The following PDE12 variants were observed in gnomAD, a reference collection of about 807,000 sequenced individuals.
PDE12 encodes the protein phosphodiesterase 12, also known as 2',5'-phosphodiesterase 12.
PDE12 carries 26 observed loss-of-function variants against 45.4 expected under a neutral mutation model. The observed-to-expected ratio is 0.57, with a 90% CI of 0.42 to 0.79. PDE12 has a LOEUF of 0.79. PDE12 is among the 30% of genes least tolerant of loss of function. The probability of loss-of-function intolerance (pLI) is 0.00; values close to 1 mark genes in which losing one functional copy is unlikely to be tolerated. For synonymous variants in PDE12, 283 were observed against 323.9 expected (o/e 0.87, Z 1.36); for missense variants, 668 against 790.0 (o/e 0.85, Z 1.85).
the PDE12 span, among the ~76,000 whole-genome samples, chr3:57,613,900 C>CAAAAAAAAAAAAAAAAAAAAAA: frequency 3.4e-5 from 2 of 59,456 alleles, no homozygotes; most frequent in Non-Finnish European, 2.9e-5. Context: ...GACTCCATCT[C>CAAAAAAAAAAAAAAAAAAAAAA]AAAAAAAAAA....
the PDE12 span, chr3:57,575,497 C>A: frequency 6.5e-7 from 1 of 1,529,528 alleles, no homozygotes; most frequent in Non-Finnish European, 8.8e-7. Context: ...ACACAACTAT[C>A]CTAGTAAGTC....
chr3:57,633,522 GAAA>G, the PDE12 span, among the ~76,000 whole-genome samples: 1 of 152,188 alleles, frequency 6.6e-6, no homozygotes, highest in South Asian at 2.1e-4. Context: ...AATATCCTGT[GAAA>G]ATAATCTTTA....
the PDE12 span, among the ~76,000 whole-genome samples, chr3:57,578,890 A>AG: frequency 0.065 from 9,785 of 150,028 alleles, 344 homozygotes; most frequent in South Asian, 0.087. Context: ...CAGCTAGAAA[A>AG]GGGGGGGGGC....
At chr3:57,604,617 T>TTGGGG in the PDE12 span, among the ~76,000 whole-genome samples, 2 of 8,338 alleles carry the variant, frequency 2.4e-4, no homozygotes, top group African/African-American at 4.2e-4. Flanking sequence ...TTTTTTTTTT[T>TTGGGG]GGGGGGGGTG....
chr3:57,569,937 C>G (rs1304343588), downstream of PDE12, among the ~76,000 whole-genome samples: 1 of 148,928 alleles, frequency 6.7e-6, no homozygotes, highest in Admixed American at 6.7e-5. Flanking sequence ...TCCATGTAAA[C>G]ACCTTTGCAT....
the PDE12 span, among the ~76,000 whole-genome samples, chr3:57,575,305 C>CA: frequency 6.7e-3 from 909 of 134,988 alleles, 11 homozygotes; most frequent in African/African-American, 0.023. Context: ...CCTCTCCCTT[C>CA]AAAAAAAAAA....
At chr3:57,637,932 G>A in the PDE12 span, among the ~76,000 whole-genome samples, 1 of 151,952 alleles carries the variant, frequency 6.6e-6, no homozygotes, top group East Asian at 1.9e-4. Context: ...TCAGGAATTC[G>A]AGACCAGCCT....
chr3:57,563,614 T>C lies in PDE12; in HGVS notation c.*3610T>C, dbSNP rs912693694. ...GCAACACTATCTAGAGGGCCAGGCA[T>C]AGTGGCTCTTGACTGTAATCACAAC... On this transcript the variant is annotated 3_prime_UTR_variant, in exon 3 of 3. Coordinates refer to ENST00000311180, the MANE Select transcript of PDE12 (RefSeq NM_177966.7). The C allele has an allele frequency of 6.6e-6, 1 of 152,226 alleles. No individual in the cohort carries two copies. The highest frequency in any genetic ancestry group is 2.1e-4 in the South Asian group (1 of 4,836). The allele number at this position is 152,226 out of a possible 1,614,324, so 9.4% of individuals were successfully genotyped here. A position where few individuals can be genotyped will look rare whatever the true frequency, so the allele number is the denominator to read the frequency against.
the PDE12 span, among the ~76,000 whole-genome samples, chr3:57,612,769 C>CAAA: frequency 1.6e-4 from 16 of 97,558 alleles, no homozygotes; most frequent in East Asian, 5.2e-4. Flanking sequence ...GAGTCCACCT[C>CAAA]AAAAAAAAAA....
chr3:57,642,641 C>A, the PDE12 span, among the ~76,000 whole-genome samples: 1 of 152,068 alleles, frequency 6.6e-6, no homozygotes, highest in Non-Finnish European at 1.5e-5. Context: ...TAGATGTTAT[C>A]TTACAGGCAA....
the PDE12 span, among the ~76,000 whole-genome samples, chr3:57,619,951 T>C: frequency 6.6e-6 from 1 of 151,108 alleles, no homozygotes; most frequent in East Asian, 2.0e-4. Flanking sequence ...AGGCCGGGCA[T>C]GGTGGCTCAC....
At chr3:57,617,998 T>C in the PDE12 span, among the ~76,000 whole-genome samples, 1 of 152,156 alleles carries the variant, frequency 6.6e-6, no homozygotes, top group African/African-American at 2.4e-5. Context: ...TGGATGCAGC[T>C]GGAGGCCATT....
At chr3:57,652,882 T>G in the PDE12 span, among the ~76,000 whole-genome samples, 1 of 152,310 alleles carries the variant, frequency 6.6e-6, no homozygotes, top group East Asian at 1.9e-4. Context: ...AAAGAACTAT[T>G]CTAGACTGAA....
chr3:57,581,860 G>A, the PDE12 span, among the ~76,000 whole-genome samples: 1 of 152,174 alleles, frequency 6.6e-6, no homozygotes, highest in African/African-American at 2.4e-5. Context: ...ACACAGCACT[G>A]CTTATATCCT....
chr3:57,587,319 CA>C, the PDE12 span, among the ~76,000 whole-genome samples: 414 of 45,408 alleles, frequency 9.1e-3, 4 homozygotes, highest in Admixed American at 0.036. Flanking sequence ...AACTCAGTCT[CA>C]AAAAAAAAAA....
the PDE12 span, among the ~76,000 whole-genome samples, chr3:57,618,976 G>A: frequency 7.9e-5 from 12 of 152,130 alleles, no homozygotes; most frequent in South Asian, 2.1e-4. Flanking sequence ...TACATTTAAC[G>A]AATTAAATAA....
the PDE12 span, chr3:57,627,873 C>G: frequency 1.1e-5 from 2 of 184,746 alleles, no homozygotes; most frequent in African/African-American, 4.7e-5. Context: ...GGCAAAGCAG[C>G]ACCAATTTAA....
chr3:57,645,721 C>A, the PDE12 span: 1 of 1,613,108 alleles, frequency 6.2e-7, no homozygotes, highest in South Asian at 1.1e-5. Flanking sequence ...GAAATAAGGT[C>A]GGAAATCACT....
chr3:57,582,380 T>C, the PDE12 span, among the ~76,000 whole-genome samples: 1 of 151,714 alleles, frequency 6.6e-6, no homozygotes, highest in Non-Finnish European at 1.5e-5. Context: ...GTAGCTGGGA[T>C]CACAGGTGCG....
Sources: allele counts gnomAD v4.1 joint callset (sites outside exome capture counted in the v4.1 genomes callset), GRCh38; gene constraint gnomAD v4.1.1; transcripts MANE v1.5; gene names NCBI Gene and HGNC (gene_info 2026-07-23, HGNC 2026-07-21).